CWC27: variants seen among roughly 807,000 people sequenced by gnomAD.
CWC27 encodes spliceosome-associated protein CWC27 homolog.
Under a neutral mutation model 63.6 loss-of-function variants are expected in CWC27, and 47 were observed. The observed-to-expected ratio is 0.74, with a 90% CI of 0.58 to 0.94. The LOEUF is 0.94. CWC27 is among the 40% of genes least tolerant of loss of function. CWC27 has a pLI of 0.00. For synonymous variants in CWC27, 175 were observed against 179.8 expected, an observed-to-expected ratio of 0.97 and a Z score of 0.22; for missense variants, 495 against 554.3, an observed-to-expected ratio of 0.89 and a Z score of 1.07.
At chr5:64,924,166 G>A (rs1470672737) in intron 11 of CWC27, among the ~76,000 whole-genome samples, 1 of 152,026 alleles carries the variant, frequency 6.6e-6, no homozygotes, top group Admixed American at 6.6e-5. Flanking sequence ...ATCAACCTAG[G>A]TTTTACTCCC....
At chr5:64,988,600 CTAT>C (rs1208895710) in intron 13 of CWC27, among the ~76,000 whole-genome samples, 1 of 133,162 alleles carries the variant, frequency 7.5e-6, no homozygotes, top group African/African-American at 2.9e-5. Context: ...GGCTGTTAGA[CTAT>C]TTTTTTTTTT....
Position 64,785,468 on chromosome 5 carries a change from T to C in CWC27, c.397-13T>C. 8.0e-7 allele frequency: 1 copy of C among 1,253,316 alleles called. No homozygotes were observed. The highest frequency in any genetic ancestry group is 1.0e-6 in the Non-Finnish European group (1 of 957,434). The allele number at this position is 1,253,316 out of a possible 1,614,324, so 77.6% of individuals were successfully genotyped here. On this transcript the variant is annotated splice_polypyrimidine_tract_variant and intron_variant, in intron 4 of 13. Transcript: ENST00000381070. ...CAATAATTTTCAATTACATTATATTTTTAATTTGATAGGTTACAGGGGATA... is the reference window on the plus strand; with the variant it reads ...CAATAATTTTCAATTACATTATATTCTTAATTTGATAGGTTACAGGGGATA...
chr5:64,885,487 T>C lies in CWC27; in HGVS notation c.983T>C (p.Leu328Ser), dbSNP rs866711371. 1 of 1,609,910 alleles carries C rather than the reference T, an allele frequency of 6.2e-7. No individual in the cohort carries two copies. The highest frequency in any genetic ancestry group is 2.2e-5 in the East Asian group (1 of 44,806). ...GCAAGACAATTAAAACGGGAACTCT[T>C]AGCAGCAAAACAAAAAAAAGTAGAA... ...KEARQLKREL[L>S]AAKQKKVENA... Residue 328 changes from leucine to serine, a missense_variant, in exon 11 of 14, where the codon TTA becomes TCA. Physicochemically the swap from Leu to Ser is moderately radical, Grantham distance 145 (BLOSUM62 -2). This residue lies in a region of CWC27 where 463 missense variants were observed against 498.1 expected (regional missense o/e 0.93). Transcript: ENST00000381070.
chr5:64,936,911 T>G (rs1748365786), intron 11 of CWC27, among the ~76,000 whole-genome samples: 1 of 152,212 alleles, frequency 6.6e-6, no homozygotes, highest in Admixed American at 6.5e-5. Context: ...TATTCTCTGA[T>G]GGTAGTTTGT....
At chr5:64,967,643 A>G (rs1749043595) in intron 11 of CWC27, among the ~76,000 whole-genome samples, 1 of 152,010 alleles carries the variant, frequency 6.6e-6, no homozygotes, top group South Asian at 2.1e-4. Context: ...TTGATTTTCA[A>G]GAAAGGTGCC....
At chr5:65,016,086 C>T (rs1750043179) in intron 13 of CWC27, among the ~76,000 whole-genome samples, 1 of 152,172 alleles carries the variant, frequency 6.6e-6, no homozygotes, top group African/African-American at 2.4e-5. Flanking sequence ...TAGTGGTTTA[C>T]TTAATACCAT....
intron 11 of CWC27, among the ~76,000 whole-genome samples, chr5:64,967,108 A>G (rs1203462137): frequency 6.6e-6 from 1 of 152,024 alleles, no homozygotes; most frequent in Non-Finnish European, 1.5e-5. Flanking sequence ...TATTGCTTCT[A>G]GTATATCAGC....
At chr5:64,880,404 G>T (rs1451648578) in intron 10 of CWC27, among the ~76,000 whole-genome samples, 1 of 151,770 alleles carries the variant, frequency 6.6e-6, no homozygotes, top group Non-Finnish European at 1.5e-5. Context: ...CTTCATAAAC[G>T]TCAGCCTTTT....
chr5:64,987,617 G>A (rs1477601053), intron 13 of CWC27, among the ~76,000 whole-genome samples: 3 of 152,108 alleles, frequency 2.0e-5, no homozygotes, highest in Non-Finnish European at 4.4e-5. Context: ...TGATTTTAGA[G>A]CAGATCTACT....
At chr5:64,930,383 A>G (rs1748213948) in intron 11 of CWC27, among the ~76,000 whole-genome samples, 1 of 152,140 alleles carries the variant, frequency 6.6e-6, no homozygotes, top group South Asian at 2.1e-4. Flanking sequence ...GTTTCATGTT[A>G]CGTGAATTTT....
chr5:64,918,957 G>A (rs1005141513), intron 11 of CWC27, among the ~76,000 whole-genome samples: 4 of 152,132 alleles, frequency 2.6e-5, no homozygotes, highest in African/African-American at 9.7e-5. Flanking sequence ...AAAATGAATG[G>A]TGTTATATAA....
chr5:64,805,387 T>C (rs553060851), intron 10 of CWC27, among the ~76,000 whole-genome samples: 2 of 151,596 alleles, frequency 1.3e-5, no homozygotes. Flanking sequence ...CCATACATAG[T>C]AGCTAATATA....
At chr5:64,841,059 C>G (rs1355493541) in intron 10 of CWC27, among the ~76,000 whole-genome samples, 1 of 152,168 alleles carries the variant, frequency 6.6e-6, no homozygotes, top group African/African-American at 2.4e-5. Flanking sequence ...TATCTTTGTC[C>G]ATTTTCTGCT....
rs370669132 is a variant in CWC27 at position 64,783,867 on chromosome 5, G to A, written c.284G>A (p.Arg95Gln). 66 of 1,591,394 alleles carry A rather than the reference G, an allele frequency of 4.1e-5. No homozygotes were observed. Among genetic ancestry groups the A allele is most frequent in the Middle Eastern group, 3.3e-4 (2 of 6,012 alleles). The change falls in exon 4 of 14, where the codon CGG becomes CAG. Residue 95 changes from arginine to glutamine, a missense_variant. By Grantham distance (43) the Arg-to-Gln change is conservative. Coordinates refer to ENST00000381070, the MANE Select transcript of CWC27 (RefSeq NM_005869.4). The stretch of plus-strand genomic sequence containing the variant: ...TTTCATTCACGGTTGCGTTTTAATC[G>A]GAGAGGACTGGTTGCCATGGCAAAT... ...DEFHSRLRFN[R>Q]RGLVAMANAG...
chr5:64,786,164 C>CAAA (rs1209111233), intron 5 of CWC27, among the ~76,000 whole-genome samples: 44 of 64,060 alleles, frequency 6.9e-4, no homozygotes, highest in East Asian at 2.7e-3. Context: ...GACTCCATCT[C>CAAA]AAAAAAAAAA....
At chr5:64,899,980 A>G (rs2112362246) in intron 11 of CWC27, among the ~76,000 whole-genome samples, 1 of 152,314 alleles carries the variant, frequency 6.6e-6, no homozygotes, top group Middle Eastern at 3.4e-3. Flanking sequence ...TCCATGTTGT[A>G]TATATCAGTA....
At chr5:64,964,509 T>G (rs1433610) in intron 11 of CWC27, among the ~76,000 whole-genome samples, 58,677 of 152,064 alleles carry the variant, frequency 0.39, 11,810 homozygotes, top group Non-Finnish European at 0.45. Context: ...AGAAAATAAT[T>G]TAGTAGTACA....
intron 10 of CWC27, among the ~76,000 whole-genome samples, chr5:64,813,539 G>T (rs773050725): frequency 7.2e-5 from 11 of 152,130 alleles, no homozygotes; most frequent in Non-Finnish European, 1.3e-4. Flanking sequence ...AGAGGTATTT[G>T]CATCTCTTTA....
chr5:64,905,314 C>T (rs1192531213), intron 11 of CWC27, among the ~76,000 whole-genome samples: 1 of 149,818 alleles, frequency 6.7e-6, no homozygotes, highest in African/African-American at 2.5e-5. Flanking sequence ...TTAATAGGAA[C>T]ATGTTACTTA....
Sources: allele counts gnomAD v4.1 joint callset (sites outside exome capture counted in the v4.1 genomes callset), GRCh38; gene constraint gnomAD v4.1.1; regional missense constraint gnomAD v4.1.1; transcripts MANE v1.5; gene names NCBI Gene and HGNC (gene_info 2026-07-23, HGNC 2026-07-21).